The following ABCB7 variants were observed in gnomAD, a reference collection of about 807,000 sequenced individuals.
The protein encoded by ABCB7 is iron-sulfur clusters transporter ABCB7, mitochondrial.
In ABCB7, 7 loss-of-function variants were observed where a neutral mutation model predicts 54.4. The ratio of observed to expected loss-of-function variants is 0.13; its 90% CI spans 0.07 to 0.24. The LOEUF (loss-of-function observed/expected upper bound fraction) is 0.24, where lower values mean the gene tolerates loss of function less well. Ranked by LOEUF, ABCB7 falls within the 10% of genes least tolerant of loss-of-function variation. ABCB7 has a pLI of 1.00. For synonymous variants in ABCB7, 218 were observed against 207.1 expected (o/e 1.05, Z -0.45); for missense variants, 356 against 570.4 (o/e 0.62, Z 3.83).
At chrX:75,062,295 A>T (rs1427580897) in intron 14 of ABCB7, 33 bp downstream of exon 14, 1 of 1,142,884 alleles carries the variant, frequency 8.7e-7, no homozygotes, top group African/African-American at 1.8e-5. Flanking sequence ...AAAGTTAAAC[A>T]TTGAAGAGCT....
At chrX:75,150,202 G>A (rs1220960854) in intron 1 of ABCB7, among the ~76,000 whole-genome samples, 1 of 111,231 alleles carries the variant, frequency 9.0e-6, no homozygotes, top group Non-Finnish European at 1.9e-5. Flanking sequence ...GGACAGAAGA[G>A]GCCATTGCTA....
intron 3 of ABCB7, among the ~76,000 whole-genome samples, chrX:75,108,049 G>T (rs1202512886): frequency 1.8e-5 from 2 of 111,215 alleles, no homozygotes; most frequent in Non-Finnish European, 3.8e-5. Flanking sequence ...GGGGACATTG[G>T]GGGTAGTCTG....
rs1602345822 is a variant in ABCB7, at chrX:75,075,437, G to A, written c.780C>T (p.Ile260=). 2 of 1,210,539 alleles carry A rather than the reference G, an allele frequency of 1.7e-6. No homozygotes were observed. Among genetic ancestry groups the A allele is most frequent in the Non-Finnish European group, 2.2e-6 (2 of 894,457 alleles). Residue 260 remains isoleucine, a synonymous_variant, in exon 6 of 16, where the codon ATC becomes ATT. Coordinates refer to ENST00000373394, the MANE Select transcript of ABCB7 (RefSeq NM_001271696.3). The part of the protein sequence containing the change: ...SKAIDRGTRG[I]SFVLSALVFN... ...ATACCAAAGCACTCAGGACAAAACT[G>A]ATACCCCTTGTTCCTCTGTCAATAG...
chrX:75,070,120 C>T (rs184636890), intron 10 of ABCB7, among the ~76,000 whole-genome samples: 9 of 110,854 alleles, frequency 8.1e-5, no homozygotes, highest in East Asian at 5.7e-4. Flanking sequence ...GTGATCCACC[C>T]GCCTCAGCCT....
rs148997932 is a variant in ABCB7, at chrX:75,057,586, T to C, written c.2043+2637A>G. Reference sequence around the variant, plus strand: ...ATATTAAGAAAGTCTACATTTTCCATTGAGTTCCTTTTTTCTCTGTTTTGG... The same window carrying C: ...ATATTAAGAAAGTCTACATTTTCCACTGAGTTCCTTTTTTCTCTGTTTTGG... On this transcript the variant is annotated intron_variant, in intron 15 of 15. Coordinates refer to ENST00000373394, the MANE Select transcript of ABCB7 (RefSeq NM_001271696.3). 4.3e-3 allele frequency among the ~76,000 whole-genome samples: 478 copies of C among 110,471 alleles called. 2 individuals carry two copies. Among genetic ancestry groups the C allele is most frequent in the African/African-American group, 0.015 (456 of 30,310 alleles).
chrX:75,094,883 C>A (rs943278311), intron 4 of ABCB7, among the ~76,000 whole-genome samples: 3 of 110,199 alleles, frequency 2.7e-5, no homozygotes, highest in Non-Finnish European at 5.7e-5. Context: ...GTAGTAGAAC[C>A]GCTAAAATAC....
intron 3 of ABCB7, among the ~76,000 whole-genome samples, chrX:75,108,079 G>C (rs1345182397): frequency 9.0e-6 from 1 of 111,281 alleles, no homozygotes; most frequent in Non-Finnish European, 1.9e-5. Flanking sequence ...CCCGTGACCT[G>C]TGGTGGCTGT....
At chrX:75,134,710 C>T (rs1228491901) in intron 1 of ABCB7, among the ~76,000 whole-genome samples, 2 of 111,975 alleles carry the variant, frequency 1.8e-5, no homozygotes, top group Admixed American at 9.5e-5. Context: ...ATTAAACAAT[C>T]TGCTCCTGAA....
chrX:75,056,465 T>C (rs1295920285), intron 15 of ABCB7, among the ~76,000 whole-genome samples: 2 of 111,879 alleles, frequency 1.8e-5, no homozygotes, highest in Non-Finnish European at 3.8e-5. Flanking sequence ...CCCAATTGGC[T>C]AGTGGGAGCT....
At chrX:75,098,027 G>A (rs1347181733) in intron 4 of ABCB7, among the ~76,000 whole-genome samples, 1 of 111,416 alleles carries the variant, frequency 9.0e-6, no homozygotes, top group Non-Finnish European at 1.9e-5. Context: ...GTAAATTGGG[G>A]GCTGGGTGCG....
chrX:75,127,168 T>C lies in ABCB7; in HGVS notation c.169-12337A>G, dbSNP rs767638954. On this transcript the variant is annotated intron_variant, in intron 1 of 15. Transcript: ENST00000373394. Reference sequence around the variant, plus strand: ...GATGCGAAAATCCTCCATAAAATACTGGCAAACTGAATCCAGCAGCACATT... The same window carrying C: ...GATGCGAAAATCCTCCATAAAATACCGGCAAACTGAATCCAGCAGCACATT... Among the ~76,000 whole-genome samples the C allele has an allele frequency of 3.6e-5, 4 of 111,494 alleles. 1 individual carries two copies. The South Asian group carries it at 1.5e-3, about 42-fold the overall frequency.
intron 15 of ABCB7, among the ~76,000 whole-genome samples, chrX:75,055,519 C>T (rs1188833969): frequency 1.4e-5 from 1 of 71,963 alleles, no homozygotes. Flanking sequence ...CTAGCCTGGG[C>T]AACATGATGA....
chrX:75,110,085 G>T (rs1386395518), intron 3 of ABCB7, among the ~76,000 whole-genome samples: 1 of 111,813 alleles, frequency 8.9e-6, no homozygotes, highest in Non-Finnish European at 1.9e-5. Context: ...TCCGAGCTTT[G>T]TTGGTCTGAA....
Position 75,147,006 on chromosome X carries a change from T to C in ABCB7, c.168+9099A>G, listed in dbSNP as rs1410272336. Reference sequence around the variant, plus strand: ...AAAAACATAAAGTGGACAAAGTATATGAAAAAAACACTTTTCCAAAGAAGA... The same window carrying C: ...AAAAACATAAAGTGGACAAAGTATACGAAAAAAACACTTTTCCAAAGAAGA... On this transcript the variant is annotated intron_variant, in intron 1 of 15. Coordinates refer to ENST00000373394, the MANE Select transcript of ABCB7 (RefSeq NM_001271696.3). 7.5e-5 allele frequency among the ~76,000 whole-genome samples: 8 copies of C among 106,985 alleles called. No homozygotes were observed. In the South Asian group the frequency reaches 1.2e-3, roughly 16 times the overall value. 92.9% of individuals were successfully genotyped at this position (106,985 alleles called of 115,157 possible).
chrX:75,075,354 T>TAA lies in ABCB7; in HGVS notation c.855+6_855+7dup. On this transcript the variant is annotated splice_region_variant and intron_variant, in intron 6 of 15. Transcript: ENST00000373394. ...ATAAAAGCTTGTTATGAAAAATGTT[T>TAA]AACTTACCAAAACACCACTGACAAG... is the stretch of plus-strand genomic sequence containing the variant. The TAA allele has an allele frequency of 8.3e-7, 1 of 1,208,933 alleles. No individual in the cohort carries two copies. Among genetic ancestry groups the TAA allele is most frequent in the Non-Finnish European group, 1.1e-6 (1 of 893,527 alleles).
At chrX:75,104,087 T>G (rs7877289) in intron 3 of ABCB7, among the ~76,000 whole-genome samples, 2 of 74,935 alleles carry the variant, frequency 2.7e-5, no homozygotes, top group Admixed American at 3.1e-4. Flanking sequence ...TTTTTTTTTG[T>G]GGAAAGGCTT....
At position 75,098,972 on chromosome X, in the gene ABCB7, G is replaced by A. The variant is rs1212052378; in HGVS notation, c.423C>T (p.Ala141=). The change falls in exon 4 of 16, where the codon GCC becomes GCT. Residue 141 remains alanine, a synonymous_variant. Coordinates refer to ENST00000373394, the MANE Select transcript of ABCB7 (RefSeq NM_001271696.3). ...CACCACCCAAAAATCCCAGCGAAATGGCAACTCTAGCTCGTAGATCTGGCC... is the reference window on the plus strand; with the variant it reads ...CACCACCCAAAAATCCCAGCGAAATAGCAACTCTAGCTCGTAGATCTGGCC... ...KDRPDLRARV[A]ISLGFLGGAK... The A allele has an allele frequency of 7.4e-6, 9 of 1,209,589 alleles. No individual in the cohort carries two copies. Among genetic ancestry groups the A allele is most frequent in the Non-Finnish European group, 1.0e-5 (9 of 895,031 alleles).
chrX:75,054,555 TC>T (rs2081220412), intron 15 of ABCB7, among the ~76,000 whole-genome samples: 1 of 110,943 alleles, frequency 9.0e-6, no homozygotes, highest in Admixed American at 9.6e-5. Context: ...CTTTTAATTC[TC>T]CTAGACTTAG....
rs958445867 is a variant in ABCB7, at chrX:75,062,474, A to G, written c.1832-43T>C. The G allele has an allele frequency of 3.0e-6, 3 of 1,000,746 alleles. No individual in the cohort carries two copies. In the African/African-American group the frequency reaches 5.7e-5, roughly 19 times the overall value. The allele number at this position is 1,000,746 out of a possible 1,213,427, so 82.5% of individuals were successfully genotyped here. Reference sequence around the variant, plus strand: ...TACTTTAAGGAAGCATAGTGCATGCATATTTTATGTTTTTAGTGTTTCCAT... The same window carrying G: ...TACTTTAAGGAAGCATAGTGCATGCGTATTTTATGTTTTTAGTGTTTCCAT... On this transcript the variant is annotated intron_variant, in intron 13 of 15. Transcript: ENST00000373394.
Sources: allele counts gnomAD v4.1 joint callset (sites outside exome capture counted in the v4.1 genomes callset), GRCh38; gene constraint gnomAD v4.1.1; transcripts MANE v1.5; gene names NCBI Gene and HGNC (gene_info 2026-07-23, HGNC 2026-07-21).